The following DSCAML1 variants were observed in gnomAD, a reference collection of about 807,000 sequenced individuals.
The protein encoded by DSCAML1 is DS cell adhesion molecule like 1.
DSCAML1 carries 38 observed loss-of-function variants against 200.5 expected under a neutral mutation model. The observed-to-expected ratio is 0.19, with a 90% CI of 0.15 to 0.25. The LOEUF (loss-of-function observed/expected upper bound fraction) is 0.25, where lower values mean the gene tolerates loss of function less well. DSCAML1 is among the 10% of genes least tolerant of loss of function. The pLI, the probability that DSCAML1 is intolerant of heterozygous loss-of-function variation, is 1.00. For synonymous variants in DSCAML1, 1,215 were observed against 1,165.0 expected (o/e 1.04, Z -0.87); for missense variants, 2,223 against 2,858.8 (o/e 0.78, Z 5.07).
At chr11:117,634,566 G>A (rs1274327030) in intron 3 of DSCAML1, among the ~76,000 whole-genome samples, 2 of 152,228 alleles carry the variant, frequency 1.3e-5, no homozygotes, top group Non-Finnish European at 2.9e-5. Context: ...GGGCCCTGGA[G>A]TAAGCCTGAG....
intron 15 of DSCAML1, among the ~76,000 whole-genome samples, chr11:117,471,360 CAG>C (rs2048681680): frequency 6.6e-6 from 1 of 152,216 alleles, no homozygotes; most frequent in East Asian, 1.9e-4. Flanking sequence ...TTAGTAGAGA[CAG>C]GGTTTCACCA....
At chr11:117,638,988 C>A (rs1249109900) in intron 3 of DSCAML1, among the ~76,000 whole-genome samples, 1 of 152,146 alleles carries the variant, frequency 6.6e-6, no homozygotes, top group African/African-American at 2.4e-5. Context: ...TATATTTTCC[C>A]AGCAGCAATG....
rs2047847513 is a variant in DSCAML1 at position 117,433,527 on chromosome 11, G to T, written c.4877-56C>A. On this transcript the variant is annotated intron_variant, in intron 27 of 32. Coordinates refer to ENST00000651296, the MANE Select transcript of DSCAML1 (RefSeq NM_020693.4). The stretch of plus-strand genomic sequence containing the variant: ...GGTGAGAATGAAGTTTGAACAGGAT[G>T]ACAATGGGAGAGGCATGGGAAACAA... The T allele has an allele frequency of 8.2e-6, 13 of 1,579,766 alleles. No individual in the cohort carries two copies. The Middle Eastern group carries it at 5.0e-4, about 61-fold the overall frequency.
Position 117,432,447 on chromosome 11 carries a change from G to C in DSCAML1, c.5084C>G (p.Pro1695Arg). ...GGAGACGCCAGTACAGAAGCTCTGT[G>C]GGTTGACAGCTTGGCTGAACTCAGC... ...TDAEFSQAVNPQSFCTGVSLH... is the reference protein window; with the variant it reads ...TDAEFSQAVNRQSFCTGVSLH... The change falls in exon 30 of 33, where the codon CCA becomes CGA. Residue 1695 changes from proline (P) to arginine (R), a missense_variant. Pro to Arg is a moderately radical substitution (Grantham distance 103). Transcript: ENST00000651296. The C allele has an allele frequency of 6.2e-7, 1 of 1,614,202 alleles. No individual in the cohort carries two copies. Among genetic ancestry groups the C allele is most frequent in the Non-Finnish European group, 8.5e-7 (1 of 1,180,030 alleles).
chr11:117,446,292 A>T (rs1256347490), intron 20 of DSCAML1, among the ~76,000 whole-genome samples: 1 of 152,220 alleles, frequency 6.6e-6, no homozygotes, highest in Non-Finnish European at 1.5e-5. Flanking sequence ...TGAACCTGGG[A>T]GGTGGAGGCT....
intron 3 of DSCAML1, among the ~76,000 whole-genome samples, chr11:117,667,008 G>A (rs1310957820): frequency 6.6e-6 from 1 of 152,182 alleles, no homozygotes; most frequent in Non-Finnish European, 1.5e-5. Flanking sequence ...CTGGGTGGTT[G>A]GTTCATCCAG....
At chr11:117,594,340 G>GAAAAA (rs1353630696) in intron 3 of DSCAML1, among the ~76,000 whole-genome samples, 7 of 152,238 alleles carry the variant, frequency 4.6e-5, no homozygotes, top group Admixed American at 2.0e-4. Flanking sequence ...TTTTGTGCAT[G>GAAAAA]AAATGCCAGT....
At chr11:117,699,314 CG>C (rs997044764) in intron 3 of DSCAML1, among the ~76,000 whole-genome samples, 7 of 152,068 alleles carry the variant, frequency 4.6e-5, no homozygotes, top group African/African-American at 1.7e-4. Flanking sequence ...TACACAGGGA[CG>C]GGGCTGTAGC....
intron 3 of DSCAML1, among the ~76,000 whole-genome samples, chr11:117,544,623 CCTT>C (rs1448907211): frequency 6.6e-6 from 1 of 152,166 alleles, no homozygotes; most frequent in Non-Finnish European, 1.5e-5. Context: ...CCAGGCCCAT[CCTT>C]CTTCCTCTCC....
At chr11:117,432,551 T>A (rs749306584) in intron 29 of DSCAML1, 47 bp from the exon 30 acceptor site, 1 of 1,576,732 alleles carries the variant, frequency 6.3e-7, no homozygotes, top group Non-Finnish European at 8.6e-7. Flanking sequence ...AATTGTTTTT[T>A]AAAGCTCTTT....
intron 3 of DSCAML1, among the ~76,000 whole-genome samples, chr11:117,654,851 G>A (rs148746775): frequency 2.2e-3 from 338 of 152,108 alleles, no homozygotes; most frequent in African/African-American, 7.6e-3. Flanking sequence ...CGGCGGGTAG[G>A]AACGGCAATG....
intron 3 of DSCAML1, among the ~76,000 whole-genome samples, chr11:117,610,373 C>A (rs142395665): frequency 2.0e-3 from 312 of 152,314 alleles, no homozygotes; most frequent in Non-Finnish European, 3.2e-3. Context: ...TCCAGTCCTA[C>A]GAACAGGTAG....
At chr11:117,554,837 G>A (rs1311129877) in intron 3 of DSCAML1, among the ~76,000 whole-genome samples, 1 of 152,182 alleles carries the variant, frequency 6.6e-6, no homozygotes, top group Non-Finnish European at 1.5e-5. Flanking sequence ...CAGACTCCTT[G>A]TTAGACAAGA....
chr11:117,633,368 G>A (rs2052213924), intron 3 of DSCAML1, among the ~76,000 whole-genome samples: 1 of 152,226 alleles, frequency 6.6e-6, no homozygotes, highest in South Asian at 2.1e-4. Context: ...AGCTGGAGGG[G>A]TAGGGAGGGG....
chr11:117,542,329 C>A (rs1565777273), intron 3 of DSCAML1, among the ~76,000 whole-genome samples: 1 of 115,838 alleles, frequency 8.6e-6, no homozygotes, highest in African/African-American at 3.3e-5. Context: ...AAACAAAACA[C>A]AAAAACAACA....
intron 3 of DSCAML1, among the ~76,000 whole-genome samples, chr11:117,666,191 G>A (rs1220067028): frequency 6.6e-6 from 1 of 152,092 alleles, no homozygotes; most frequent in Non-Finnish European, 1.5e-5. Context: ...TCCAGCCTCC[G>A]GTGCTTCCTA....
At chr11:117,746,130 G>A (rs1267719877) in intron 3 of DSCAML1, among the ~76,000 whole-genome samples, 1 of 146,104 alleles carries the variant, frequency 6.8e-6, no homozygotes, top group Non-Finnish European at 1.5e-5. Context: ...GCTGAGGCAG[G>A]AGAATGGCGT....
chr11:117,501,832 C>T (rs998162410), intron 11 of DSCAML1, among the ~76,000 whole-genome samples: 2 of 151,968 alleles, frequency 1.3e-5, no homozygotes, highest in African/African-American at 4.8e-5. Context: ...CTAGCCCTAC[C>T]AGGAGAGAAC....
At chr11:117,746,303 C>T (rs898838732) in intron 3 of DSCAML1, among the ~76,000 whole-genome samples, 2 of 148,976 alleles carry the variant, frequency 1.3e-5, no homozygotes, top group African/African-American at 5.0e-5. Flanking sequence ...CAGCATTTTG[C>T]AAATGTGTTA....
Sources: allele counts gnomAD v4.1 joint callset (sites outside exome capture counted in the v4.1 genomes callset), GRCh38; gene constraint gnomAD v4.1.1; transcripts MANE v1.5; gene names NCBI Gene and HGNC (gene_info 2026-07-23, HGNC 2026-07-21).